The following IFNGR2 variants were observed in gnomAD, a reference collection of about 807,000 sequenced individuals.
IFNGR2 encodes the protein IFN-gamma receptor 2.
IFNGR2 carries 15 observed loss-of-function variants against 41.1 expected under a neutral mutation model. The observed-to-expected ratio is 0.37, with a 90% confidence interval of 0.24 to 0.56. The LOEUF is 0.56. Ranked by LOEUF, IFNGR2 falls within the 20% of genes least tolerant of loss-of-function variation. The pLI is 0.81. For synonymous variants in IFNGR2, 161 were observed against 171.6 expected, an observed-to-expected ratio of 0.94 and a Z score of 0.48; for missense variants, 362 against 415.7, an observed-to-expected ratio of 0.87 and a Z score of 1.12.
intron 6 of IFNGR2, among the ~76,000 whole-genome samples, chr21:33,433,267 GAC>G (rs902426287): frequency 1.4e-4 from 22 of 152,182 alleles, no homozygotes; most frequent in Non-Finnish European, 2.4e-4. Context: ...CAAAGCCGTG[GAC>G]ACAGAGATTT....
intron 4 of IFNGR2, among the ~76,000 whole-genome samples, chr21:33,428,999 G>T (rs1469376049): frequency 6.6e-6 from 1 of 152,180 alleles, no homozygotes; most frequent in Admixed American, 6.5e-5. Flanking sequence ...TGAGCAGCAA[G>T]CTCTAATGAA....
Position 33,432,313 on chromosome 21 carries a change from C to G in IFNGR2, c.698C>G (p.Ser233Cys). Reference protein sequence around the residue: ...IFRVGHLSNISCYETMADAST... With the variant: ...IFRVGHLSNICCYETMADAST... ...AGAGTCGGGCATTTAAGCAACATAT[C>G]TTGCTACGAAACAATGGCAGATGGT... The change falls in exon 5 of 7, where the codon TCT (serine) becomes TGT (cysteine). Residue 233 changes from serine to cysteine, a missense_variant. Coordinates refer to ENST00000290219, the MANE Select transcript of IFNGR2 (RefSeq NM_005534.4). The G allele has an allele frequency of 6.2e-7, 1 of 1,614,100 alleles. No individual in the cohort carries two copies. Among genetic ancestry groups the G allele is most frequent in the South Asian group, 1.1e-5 (1 of 91,084 alleles).
At chr21:33,428,756 C>T (rs1454525293) in intron 4 of IFNGR2, among the ~76,000 whole-genome samples, 1 of 152,198 alleles carries the variant, frequency 6.6e-6, no homozygotes, top group Admixed American at 6.5e-5. Context: ...TAGGATGGGC[C>T]CTCTGGCCAC....
intron 4 of IFNGR2, among the ~76,000 whole-genome samples, chr21:33,428,399 A>AT (rs368717790): frequency 6.0e-5 from 9 of 149,940 alleles, no homozygotes; most frequent in Admixed American, 1.3e-4. Context: ...ATATTTTTAA[A>AT]TTTTTTTTTA....
At chr21:33,421,433 C>T (rs1242866944) in intron 2 of IFNGR2, 47 bp from the exon 3 acceptor site, 6 of 1,465,398 alleles carry the variant, frequency 4.1e-6, no homozygotes, top group Non-Finnish European at 4.8e-6. Context: ...AACTATTACA[C>T]ATGAAACAGA....
chr21:33,433,535 C>T (rs990562178), intron 6 of IFNGR2, among the ~76,000 whole-genome samples: 1 of 152,126 alleles, frequency 6.6e-6, no homozygotes, highest in Non-Finnish European at 1.5e-5. Context: ...TGTCTGCTTC[C>T]ACTTAAATGA....
intron 2 of IFNGR2, among the ~76,000 whole-genome samples, chr21:33,420,248 C>T (rs755436706): frequency 1.2e-4 from 19 of 152,158 alleles, no homozygotes; most frequent in Admixed American, 9.8e-4. Context: ...GAGCGGTCTC[C>T]AGTCTCGTCT....
At position 33,403,619 on chromosome 21, in the gene IFNGR2, G is replaced by A. The variant is rs2083656848; in HGVS notation, c.73+3G>A. ...CGCCGCCGCCGCGGCCCCGCCAGGT[G>A]AGCCGGGCCTGGGCCTCCGCGGCGG... On this transcript the variant is annotated splice_donor_region_variant and intron_variant, in intron 1 of 6. Transcript: ENST00000290219. 7.4e-7 allele frequency: 1 copy of A among 1,356,028 alleles called. No homozygotes were observed. 84.0% of individuals were successfully genotyped at this position (1,356,028 alleles called of 1,614,324 possible).
intron 6 of IFNGR2, among the ~76,000 whole-genome samples, chr21:33,434,643 T>G (rs2083925856): frequency 6.6e-6 from 1 of 152,196 alleles, no homozygotes; most frequent in Non-Finnish European, 1.5e-5. Context: ...GAACAGAGGT[T>G]AGATAAGGTC....
intron 1 of IFNGR2, among the ~76,000 whole-genome samples, chr21:33,412,227 G>T (rs970757526): frequency 3.3e-5 from 5 of 152,200 alleles, no homozygotes; most frequent in Non-Finnish European, 7.3e-5. Context: ...TTCCTGGAAA[G>T]AGCCGGGTCC....
At chr21:33,427,616 G>A (rs757953155) in intron 4 of IFNGR2, among the ~76,000 whole-genome samples, 4 of 152,084 alleles carry the variant, frequency 2.6e-5, no homozygotes, top group South Asian at 2.1e-4. Context: ...ACATCAGAGC[G>A]GCCTGGTCAG....
At chr21:33,411,492 C>G in intron 1 of IFNGR2, 1 of 471,014 alleles carries the variant, frequency 2.1e-6, no homozygotes, top group Non-Finnish European at 4.4e-6. Context: ...TAATGGTCCC[C>G]AAAGATGTCC....
chr21:33,415,145 T>C lies in IFNGR2; in HGVS notation c.206+125T>C. ...TATCAAACCCGTGGGAAACACATCG[T>C]TCTTGGAGCTTGTAAAATCTCTGAG... On this transcript the variant is annotated intron_variant, in intron 2 of 6. Transcript: ENST00000290219. 7.6e-6 allele frequency: 9 copies of C among 1,188,052 alleles called. No individual in the cohort carries two copies. The South Asian group carries it at 1.1e-4, about 15-fold the overall frequency. 73.6% of individuals were successfully genotyped at this position (1,188,052 alleles called of 1,614,324 possible).
intron 4 of IFNGR2, 39 bp from the exon 5 acceptor site, chr21:33,432,138 T>A (rs780644153): frequency 5.1e-5 from 82 of 1,594,180 alleles, no homozygotes; most frequent in Non-Finnish European, 6.8e-5. Context: ...AGCTTGGCCA[T>A]GTTCATTTAC....
intron 3 of IFNGR2, 92 bp from the exon 4 acceptor site, chr21:33,426,792 T>A: frequency 1.5e-6 from 1 of 664,214 alleles, no homozygotes; most frequent in Non-Finnish European, 2.5e-6. Flanking sequence ...TATATATATA[T>A]ACATATATAT....
rs879388890 is a variant in IFNGR2, at chr21:33,418,740, AT to A, written c.207-2730del. ...CAGGCTATTTGGCTCCCAGTGTTTA[AT>A]TTTTTTTTTCTTCAATTTGTTGCCA... is the stretch of plus-strand genomic sequence containing the variant. On this transcript the variant is annotated intron_variant, in intron 2 of 6. Coordinates refer to ENST00000290219, the MANE Select transcript of IFNGR2 (RefSeq NM_005534.4). 7.2e-4 allele frequency among the ~76,000 whole-genome samples: 109 copies of A among 150,786 alleles called. 1 individual carries two copies. Among genetic ancestry groups the A allele is most frequent in the Non-Finnish European group, 1.2e-3 (84 of 67,628 alleles).
chr21:33,410,739 A>G, intron 1 of IFNGR2: 3 of 828,876 alleles, frequency 3.6e-6, no homozygotes, highest in Non-Finnish European at 6.1e-6. Context: ...AAGTGCTGGG[A>G]TTACAGGCGT....
At position 33,415,009 on chromosome 21, in the gene IFNGR2, G is replaced by A. The variant is rs1355972653; in HGVS notation, c.195G>A (p.Val65=). 1.2e-6 allele frequency: 2 copies of A among 1,614,030 alleles called. No homozygotes were observed. The highest frequency in any genetic ancestry group is 1.7e-6 in the Non-Finnish European group (2 of 1,180,040). Residue 65 remains valine (V), a synonymous_variant, in exon 2 of 7, where the codon GTG becomes GTA. Coordinates refer to ENST00000290219, the MANE Select transcript of IFNGR2 (RefSeq NM_005534.4). ...GCACGAGGCCTGTTGTCTACCAAGT[G>A]CAGTTTAAATAGTAAGCCGGTATTT... ...SNSTRPVVYQ[V]QFKYTDSKWF...
chr21:33,418,331 T>C (rs1448864688), intron 2 of IFNGR2, among the ~76,000 whole-genome samples: 5 of 152,154 alleles, frequency 3.3e-5, no homozygotes, highest in East Asian at 1.9e-4. Context: ...GCTGGAATTA[T>C]AGGTGTAAGC....
Sources: allele counts gnomAD v4.1 joint callset (sites outside exome capture counted in the v4.1 genomes callset), GRCh38; gene constraint gnomAD v4.1.1; transcripts MANE v1.5; gene names NCBI Gene and HGNC (gene_info 2026-07-23, HGNC 2026-07-21).